The following ITPR2 variants were observed in gnomAD, a reference collection of about 807,000 sequenced individuals.
ITPR2 encodes inositol 1,4,5-trisphosphate-gated calcium channel ITPR2.
ITPR2 carries 207 observed loss-of-function variants against 317.1 expected under a neutral mutation model. That is an observed-to-expected ratio of 0.65 (90% confidence interval 0.58 to 0.73). The LOEUF (loss-of-function observed/expected upper bound fraction) is 0.73. Among genes scored for constraint, ITPR2 ranks in the 30% least tolerant of loss-of-function variants. The probability of loss-of-function intolerance (pLI) is 0.00; values close to 1 mark genes in which losing one functional copy is unlikely to be tolerated. For synonymous variants in ITPR2, 1,156 were observed against 1,149.1 expected (o/e 1.01, Z -0.12); for missense variants, 2,613 against 3,284.0 (o/e 0.80, Z 4.99).
chr12:26,752,776 C>T (rs911997380), intron 2 of ITPR2, among the ~76,000 whole-genome samples: 1 of 151,224 alleles, frequency 6.6e-6, no homozygotes, highest in African/African-American at 2.5e-5. Context: ...GATCAGGACC[C>T]CTTTCCTGTA....
chr12:26,699,519 C>T (rs1156533307), intron 9 of ITPR2, among the ~76,000 whole-genome samples: 1 of 152,236 alleles, frequency 6.6e-6, no homozygotes. Context: ...GGCAGCAAAA[C>T]TACAGATGGT....
chr12:26,666,093 T>C, intron 13 of ITPR2, 42 bp from the exon 14 acceptor site: 1 of 1,533,692 alleles, frequency 6.5e-7, no homozygotes, highest in South Asian at 1.2e-5. Context: ...ACAGTGTGCT[T>C]AATTTTGGAA....
chr12:26,565,878 AGAGGG>A (rs1565607564), intron 34 of ITPR2, among the ~76,000 whole-genome samples: 2 of 33,146 alleles, frequency 6.0e-5, no homozygotes, highest in Non-Finnish European at 1.3e-4. Flanking sequence ...GGAGGAGAGG[AGAGGG>A]GAGGGGAGGA....
In ITPR2 at chr12:26,489,283, A is replaced by G. The variant is rs145633052; in HGVS notation, c.5371-2032T>C. Among the ~76,000 whole-genome samples, 592 of 152,330 alleles carry G rather than the reference A, an allele frequency of 3.9e-3. 1 individual carries two copies. The highest frequency in any genetic ancestry group is 6.7e-3 in the Non-Finnish European group (457 of 68,016). ...TTGGAGCTAAGGGGGATGGATCAACAGATATGTGTGACAGGAGACTGGAAG... is the reference window on the plus strand; with the variant it reads ...TTGGAGCTAAGGGGGATGGATCAACGGATATGTGTGACAGGAGACTGGAAG... On this transcript the variant is annotated intron_variant, in intron 39 of 56. Coordinates refer to ENST00000381340, the MANE Select transcript of ITPR2 (RefSeq NM_002223.4).
chr12:26,560,742 T>G (rs953296041), intron 35 of ITPR2, among the ~76,000 whole-genome samples: 3 of 152,254 alleles, frequency 2.0e-5, no homozygotes, highest in Non-Finnish European at 2.9e-5. Context: ...CCAAAATTTT[T>G]AATGTCTCAC....
At chr12:26,605,478 C>T (rs905462799) in intron 26 of ITPR2, among the ~76,000 whole-genome samples, 26 of 152,004 alleles carry the variant, frequency 1.7e-4, no homozygotes, top group African/African-American at 6.0e-4. Context: ...ATTACCAGCT[C>T]TAAAGATTGA....
At chr12:26,740,687 C>T (rs1455660793) in intron 2 of ITPR2, among the ~76,000 whole-genome samples, 1 of 152,188 alleles carries the variant, frequency 6.6e-6, no homozygotes, top group East Asian at 1.9e-4. Context: ...AAGATTTTCA[C>T]TTTGTATGTT....
chr12:26,414,048 TGTACACACACACACACACAC>T, intron 51 of ITPR2, among the ~76,000 whole-genome samples: 1 of 49,034 alleles, frequency 2.0e-5, no homozygotes, highest in South Asian at 5.6e-4. Flanking sequence ...CATGTATATA[TGTACACACACACACACACAC>T]ACACACACAC....
intron 45 of ITPR2, among the ~76,000 whole-genome samples, chr12:26,455,577 A>T (rs1364093022): frequency 6.6e-6 from 1 of 152,176 alleles, no homozygotes; most frequent in East Asian, 1.9e-4. Context: ...TCATTCTGTG[A>T]CATCCAACAC....
rs1301858005 is a variant in ITPR2, at chr12:26,567,941, ATATATATATTATATATATATATATATAT to A, written c.4631-6017_4631-5990del. ...TACTAAGCTAGAAAAATTCTGGTAT[ATATATATATTATATATATATATATATAT>A]TATATATATTATATATATATATATA... On this transcript the variant is annotated intron_variant, in intron 34 of 56. Transcript: ENST00000381340. Among the ~76,000 whole-genome samples the A allele has an allele frequency of 2.6e-3, 124 of 47,860 alleles. 1 individual carries two copies. Among genetic ancestry groups the A allele is most frequent in the African/African-American group, 7.9e-3 (109 of 13,810 alleles). 31.4% of individuals were successfully genotyped at this position (47,860 alleles called of 152,430 possible).
chr12:26,533,515 T>C (rs188413640), intron 37 of ITPR2, among the ~76,000 whole-genome samples: 242 of 152,360 alleles, frequency 1.6e-3, no homozygotes, highest in African/African-American at 5.5e-3. Flanking sequence ...AGATATGTTA[T>C]GGGCTGAATT....
intron 2 of ITPR2, among the ~76,000 whole-genome samples, chr12:26,785,755 G>T (rs1390988081): frequency 3.5e-5 from 1 of 28,234 alleles, no homozygotes; most frequent in African/African-American, 1.0e-4. Context: ...GGTGAGGGGC[G>T]CCTCTGCCCG....
At chr12:26,399,366 A>AC (rs1940099121) in intron 53 of ITPR2, among the ~76,000 whole-genome samples, 1 of 152,222 alleles carries the variant, frequency 6.6e-6, no homozygotes. Flanking sequence ...ATTACAGAAA[A>AC]GGTAGTTAAA....
intron 10 of ITPR2, 119 bp downstream of exon 10, chr12:26,695,487 C>T: frequency 1.3e-6 from 1 of 784,198 alleles, no homozygotes; most frequent in Non-Finnish European, 2.2e-6. Context: ...ACCATAGGCT[C>T]TACTCAGAAA....
intron 32 of ITPR2, among the ~76,000 whole-genome samples, chr12:26,584,484 C>G (rs1222870254): frequency 2.0e-5 from 3 of 152,064 alleles, no homozygotes; most frequent in Non-Finnish European, 4.4e-5. Flanking sequence ...GATTTTCTCC[C>G]CTTGCATATA....
At chr12:26,401,067 TA>T (rs3837446) in intron 52 of ITPR2, among the ~76,000 whole-genome samples, 47,641 of 151,626 alleles carry the variant, frequency 0.31, 8,198 homozygotes, top group East Asian at 0.6. Context: ...CTATCTCTAC[TA>T]AAAATCAAAA....
At chr12:26,777,949 T>C (rs75456795) in intron 2 of ITPR2, among the ~76,000 whole-genome samples, 3,831 of 152,282 alleles carry the variant, frequency 0.025, 168 homozygotes, top group African/African-American at 0.086. Context: ...TGAGCTGACA[T>C]TGATTCCAGG....
In ITPR2 at chr12:26,339,150, T is replaced by C; in HGVS notation, c.*247A>G. On this transcript the variant is annotated 3_prime_UTR_variant, in exon 57 of 57. Coordinates refer to ENST00000381340, the MANE Select transcript of ITPR2 (RefSeq NM_002223.4). ...CCCTCTCCAGCCTTTTGGGCAAGCC[T>C]TTTCTTCCTGATGCATTGCGAATGT... is the stretch of plus-strand genomic sequence containing the variant. 1 of 413,954 alleles carries C rather than the reference T, an allele frequency of 2.4e-6. No homozygotes were observed. Among genetic ancestry groups the C allele is most frequent in the Non-Finnish European group, 4.4e-6 (1 of 229,134 alleles). 25.6% of individuals were successfully genotyped at this position (413,954 alleles called of 1,614,324 possible). A position where few individuals can be genotyped will look rare whatever the true frequency, so the allele number is the denominator to read the frequency against.
At chr12:26,443,352 G>T (rs1274084125) in intron 46 of ITPR2, among the ~76,000 whole-genome samples, 191 bp downstream of exon 46, 2 of 151,954 alleles carry the variant, frequency 1.3e-5, no homozygotes, top group African/African-American at 2.4e-5. Context: ...AGTAAAAAAA[G>T]ACAACTTTGA....
Sources: allele counts gnomAD v4.1 joint callset (sites outside exome capture counted in the v4.1 genomes callset), GRCh38; gene constraint gnomAD v4.1.1; transcripts MANE v1.5; gene names NCBI Gene and HGNC (gene_info 2026-07-23, HGNC 2026-07-21).